The following TRAPPC9 variants were observed in gnomAD, a reference collection of about 807,000 sequenced individuals.
The protein encoded by TRAPPC9 is trafficking protein particle complex subunit 9.
TRAPPC9 carries 83 observed loss-of-function variants against 124.0 expected under a neutral mutation model. The ratio of observed to expected loss-of-function variants is 0.67; its 90% CI spans 0.56 to 0.80. The LOEUF is 0.80. Among genes scored for constraint, TRAPPC9 ranks in the 30% least tolerant of loss-of-function variants. TRAPPC9 has a pLI of 0.00. For missense variants in TRAPPC9, 1,302 were observed against 1,508.3 expected, an observed-to-expected ratio of 0.86 and a Z score of 2.27; for synonymous variants, 638 against 617.5, an observed-to-expected ratio of 1.03 and a Z score of -0.49.
At chr8:140,181,966 G>C (rs2062215250) in intron 17 of TRAPPC9, among the ~76,000 whole-genome samples, 1 of 152,062 alleles carries the variant, frequency 6.6e-6, no homozygotes. Flanking sequence ...CTAGGCCATG[G>C]CATGCTTCCC....
intron 12 of TRAPPC9, among the ~76,000 whole-genome samples, chr8:140,289,409 T>C (rs1302542296): frequency 2.0e-5 from 3 of 152,174 alleles, no homozygotes; most frequent in Admixed American, 2.0e-4. Flanking sequence ...TCTAGGCAAA[T>C]ATATTGGCAT....
chr8:139,900,305 A>AC (rs1210392136), intron 20 of TRAPPC9, among the ~76,000 whole-genome samples: 1 of 151,406 alleles, frequency 6.6e-6, no homozygotes, highest in Non-Finnish European at 1.5e-5. Context: ...TCTGGTGAAC[A>AC]CCCCCATCTT....
intron 17 of TRAPPC9, among the ~76,000 whole-genome samples, chr8:140,203,661 A>C (rs1487916067): frequency 6.6e-6 from 1 of 152,242 alleles, no homozygotes; most frequent in Non-Finnish European, 1.5e-5. Context: ...CACAAGGTAA[A>C]TTCCGCAGAA....
intron 18 of TRAPPC9, among the ~76,000 whole-genome samples, chr8:139,996,182 A>AAAAAAT (rs1837976878): frequency 7.5e-6 from 1 of 134,044 alleles, no homozygotes; most frequent in Non-Finnish European, 1.6e-5. Flanking sequence ...AAAAAAAAAA[A>AAAAAAT]GAAAGGAAAG....
At chr8:139,976,628 C>T (rs4736121) in intron 19 of TRAPPC9, among the ~76,000 whole-genome samples, 1 of 152,042 alleles carries the variant, frequency 6.6e-6, no homozygotes, top group Non-Finnish European at 1.5e-5. Context: ...AAGGGATCTG[C>T]GCACGGCTCG....
intron 19 of TRAPPC9, among the ~76,000 whole-genome samples, chr8:139,947,257 G>A (rs183624481): frequency 9.7e-4 from 147 of 152,250 alleles, no homozygotes; most frequent in African/African-American, 3.4e-3. Flanking sequence ...ATGCGAGTGA[G>A]GGATTCCCAC....
rs1455129482 is a variant in TRAPPC9, at chr8:140,291,019, G to T, written c.1828C>A (p.Pro610Thr). The change falls in exon 12 of 23, where the codon CCG (proline) becomes ACG (threonine). Residue 610 changes from proline (P) to threonine (T), a missense_variant. Physicochemically the swap from Pro to Thr is conservative, Grantham distance 38. Coordinates refer to ENST00000438773, the MANE Select transcript of TRAPPC9 (RefSeq NM_001160372.4). ...ATGTTTTCAACTCGAAGTTCAAACG[G>T]CATTGGGTTATATACCATCAGCTGA... ...EVQLMVYNPM[P>T]FELRVENMGL... is the part of the protein sequence containing the mutation. 1 of 1,614,046 alleles carries T rather than the reference G, an allele frequency of 6.2e-7. No individual in the cohort carries two copies. The highest frequency in any genetic ancestry group is 1.3e-5 in the African/African-American group (1 of 74,924).
chr8:140,347,768 G>T (rs925820343), intron 9 of TRAPPC9, among the ~76,000 whole-genome samples: 42 of 152,156 alleles, frequency 2.8e-4, no homozygotes, highest in Non-Finnish European at 4.4e-5. Context: ...ATTTTAACAA[G>T]TGTCGGAATA....
At position 140,029,516 on chromosome 8, in the gene TRAPPC9, A is replaced by T. The variant is rs116394742; in HGVS notation, c.2557-5437T>A. The stretch of plus-strand genomic sequence containing the variant: ...CAAGACTCTGTCTCTGAAAACAAAC[A>T]AACAAACAAACAAACAAGCAAATAA... On this transcript the variant is annotated intron_variant, in intron 17 of 22. Coordinates refer to ENST00000438773, the MANE Select transcript of TRAPPC9 (RefSeq NM_001160372.4). Among the ~76,000 whole-genome samples the T allele has an allele frequency of 4.7e-3, 720 of 152,180 alleles. 6 individuals are homozygous for T. The highest frequency in any genetic ancestry group is 0.016 in the African/African-American group (677 of 41,526).
chr8:139,784,468 G>A (rs1201129596), intron 21 of TRAPPC9, among the ~76,000 whole-genome samples: 1 of 151,802 alleles, frequency 6.6e-6, no homozygotes, highest in Non-Finnish European at 1.5e-5. Flanking sequence ...CGGCCACTCA[G>A]GGGGCTGAGG....
At chr8:140,374,493 C>T (rs1194346076) in intron 7 of TRAPPC9, among the ~76,000 whole-genome samples, 1 of 152,006 alleles carries the variant, frequency 6.6e-6, no homozygotes, top group African/African-American at 2.4e-5. Flanking sequence ...TTGCTTGAAC[C>T]CAGGAGGCGG....
At chr8:139,756,682 T>C (rs1188573056) in intron 21 of TRAPPC9, among the ~76,000 whole-genome samples, 415 of 30,494 alleles carry the variant, frequency 0.014, no homozygotes, top group East Asian at 0.017. Flanking sequence ...ATGAGGACAG[T>C]GTGTCGCAGG....
chr8:139,900,038 GTCC>G (rs1001559347), intron 20 of TRAPPC9, among the ~76,000 whole-genome samples: 1 of 152,210 alleles, frequency 6.6e-6, no homozygotes, highest in African/African-American at 2.4e-5. Flanking sequence ...AGAGCCGTCT[GTCC>G]TCCTCACGGT....
chr8:140,023,863 C>T, intron 18 of TRAPPC9, 74 bp downstream of exon 18: 1 of 1,608,344 alleles, frequency 6.2e-7, no homozygotes, highest in Non-Finnish European at 8.5e-7. Context: ...CAAAAACACA[C>T]TGAGGTCAGG....
intron 18 of TRAPPC9, among the ~76,000 whole-genome samples, chr8:140,007,746 T>C (rs1437301523): frequency 6.6e-6 from 1 of 152,182 alleles, no homozygotes; most frequent in Non-Finnish European, 1.5e-5. Context: ...TGCTTATCAA[T>C]ACAAAATCTT....
chr8:140,254,574 C>G (rs1289360439), intron 15 of TRAPPC9, among the ~76,000 whole-genome samples: 1 of 152,200 alleles, frequency 6.6e-6, no homozygotes, highest in Non-Finnish European at 1.5e-5. Context: ...ACACAGGGGA[C>G]AGGAAGCCAT....
chr8:139,922,175 T>C (rs1294136196), intron 19 of TRAPPC9, among the ~76,000 whole-genome samples: 3 of 147,746 alleles, frequency 2.0e-5, no homozygotes, highest in Non-Finnish European at 4.5e-5. Flanking sequence ...ATCTTTGAAA[T>C]GGTTTGGTGT....
chr8:139,978,976 G>A (rs879788412), intron 19 of TRAPPC9, among the ~76,000 whole-genome samples: 4 of 152,142 alleles, frequency 2.6e-5, no homozygotes, highest in Admixed American at 1.3e-4. Flanking sequence ...CTTCACAGGA[G>A]AGATGTGTGT....
intron 18 of TRAPPC9, among the ~76,000 whole-genome samples, chr8:140,014,230 T>TAGAAAGA (rs1294247352): frequency 1.3e-5 from 2 of 152,078 alleles, no homozygotes; most frequent in Non-Finnish European, 2.9e-5. Context: ...AGTGGATCGT[T>TAGAAAGA]TATTGTAACA....
Sources: gnomAD v4.1 joint callset for allele counts (sites outside exome capture counted in the v4.1 genomes callset) on GRCh38, gnomAD v4.1.1 for gene constraint, MANE v1.5 for transcripts, NCBI Gene and HGNC (gene_info 2026-07-23, HGNC 2026-07-21) for gene names.